The following METTL15 variants were observed in gnomAD, a reference collection of about 807,000 sequenced individuals.
METTL15 encodes the protein 12S rRNA N(4)-cytidine methyltransferase METTL15.
Under a neutral mutation model 38.3 loss-of-function variants are expected in METTL15, and 34 were observed. The observed-to-expected ratio is 0.89, with a 90% confidence interval of 0.68 to 1.18. METTL15 has a LOEUF of 1.18. METTL15 is among the 50% of genes most tolerant of loss of function. METTL15 has a pLI of 0.00. For synonymous variants in METTL15, 162 were observed against 170.9 expected, an observed-to-expected ratio of 0.95 and a Z score of 0.41; for missense variants, 438 against 498.4, an observed-to-expected ratio of 0.88 and a Z score of 1.15.
At chr11:28,224,231 A>C (rs1853377319) in intron 4 of METTL15, among the ~76,000 whole-genome samples, 1 of 151,346 alleles carries the variant, frequency 6.6e-6, no homozygotes, top group Non-Finnish European at 1.5e-5. Context: ...TTTTTTTTGG[A>C]CACTTTCACT....
intron 5 of METTL15, among the ~76,000 whole-genome samples, chr11:28,294,342 C>G (rs1856647060): frequency 6.6e-6 from 1 of 152,152 alleles, no homozygotes; most frequent in Admixed American, 6.6e-5. Context: ...CTTGGCTAAT[C>G]CAGGCCAAAA....
chr11:28,406,613 G>A (rs1307690025), intron 5 of METTL15, among the ~76,000 whole-genome samples: 3 of 152,018 alleles, frequency 2.0e-5, no homozygotes, highest in Non-Finnish European at 4.4e-5. Flanking sequence ...CTAGATATAG[G>A]ATTATGTCAT....
At chr11:28,375,820 C>A (rs895061287) in intron 5 of METTL15, among the ~76,000 whole-genome samples, 1 of 151,544 alleles carries the variant, frequency 6.6e-6, no homozygotes, top group African/African-American at 2.4e-5. Context: ...ATAAATTTCC[C>A]TCTACACACT....
At chr11:28,337,113 A>G (rs1242024529), downstream of METTL15, among the ~76,000 whole-genome samples, 1 of 152,176 alleles carries the variant, frequency 6.6e-6, no homozygotes, top group African/African-American at 2.4e-5. Flanking sequence ...AAATATAGAA[A>G]AAGATATAAA....
At chr11:28,432,187 A>G (rs1334632275) in intron 6 of METTL15, among the ~76,000 whole-genome samples, 1 of 152,230 alleles carries the variant, frequency 6.6e-6, no homozygotes, top group African/African-American at 2.4e-5. Flanking sequence ...CAAAAATGGT[A>G]TAGATAGTTA....
intron 4 of METTL15, among the ~76,000 whole-genome samples, chr11:28,252,090 C>T (rs145232415): frequency 1.1e-3 from 171 of 152,208 alleles, no homozygotes; most frequent in African/African-American, 3.9e-3. Flanking sequence ...TTGGCACCAA[C>T]GATGTGCAAG....
At chr11:28,127,842 G>A (rs546908347) in intron 3 of METTL15, among the ~76,000 whole-genome samples, 17 of 151,874 alleles carry the variant, frequency 1.1e-4, no homozygotes, top group East Asian at 3.9e-4. Flanking sequence ...AAATCACCCC[G>A]ACAGTTAAAA....
intron 6 of METTL15, among the ~76,000 whole-genome samples, chr11:28,297,297 A>G (rs1220444717): frequency 6.6e-6 from 1 of 152,180 alleles, no homozygotes; most frequent in Non-Finnish European, 1.5e-5. Context: ...GATCCATCGC[A>G]GTGGTTGATA....
Position 28,136,245 on chromosome 11 carries a change from G to T in METTL15, c.270+22641G>T, listed in dbSNP as rs546447679. ...GAATTGTAATAATCCCCCTTGTGTC[G>T]AGGGTGGGCCAGGTGGAGATAATTG... On this transcript the variant is annotated intron_variant, in intron 3 of 6. Coordinates refer to ENST00000407364, the MANE Select transcript of METTL15 (RefSeq NM_001113528.2). Among the ~76,000 whole-genome samples, 167 of 152,224 alleles carry T rather than the reference G, an allele frequency of 1.1e-3. 1 individual carries two copies. Among genetic ancestry groups the T allele is most frequent in the Middle Eastern group, 3.4e-3 (1 of 294 alleles).
At chr11:28,319,747 C>G (rs552401452) in intron 6 of METTL15, among the ~76,000 whole-genome samples, 1 of 152,202 alleles carries the variant, frequency 6.6e-6, no homozygotes, top group African/African-American at 2.4e-5. Flanking sequence ...AAAACAGTTT[C>G]TTATCAAAAA....
intron 4 of METTL15, among the ~76,000 whole-genome samples, chr11:28,265,390 A>G (rs1333774340): frequency 6.6e-6 from 1 of 151,968 alleles, no homozygotes; most frequent in Non-Finnish European, 1.5e-5. Context: ...CATAGAAAGG[A>G]TAGAAAGAAC....
intron 6 of METTL15, among the ~76,000 whole-genome samples, chr11:28,440,422 A>C (rs1851024461): frequency 6.6e-6 from 1 of 152,208 alleles, no homozygotes; most frequent in Non-Finnish European, 1.5e-5. Flanking sequence ...TGTCAGGAAA[A>C]AAAGTAAAAT....
chr11:28,349,160 T>C (rs1437379742), intron 3 of METTL15, among the ~76,000 whole-genome samples: 1 of 152,318 alleles, frequency 6.6e-6, no homozygotes, highest in East Asian at 1.9e-4. Context: ...TTTGGCTGGG[T>C]TTATTATTGC....
At chr11:28,406,454 T>A (rs1334238334) in intron 5 of METTL15, among the ~76,000 whole-genome samples, 1 of 152,172 alleles carries the variant, frequency 6.6e-6, no homozygotes, top group Non-Finnish European at 1.5e-5. Flanking sequence ...AAGTTGCTTA[T>A]CAGCTTAAGA....
chr11:28,321,272 A>T (rs1257576566), intron 6 of METTL15, among the ~76,000 whole-genome samples: 1 of 152,182 alleles, frequency 6.6e-6, no homozygotes, highest in East Asian at 1.9e-4. Context: ...TTATGATTTC[A>T]TCCTAGAATG....
intron 3 of METTL15, among the ~76,000 whole-genome samples, chr11:28,149,820 A>C (rs1335609136): frequency 6.6e-6 from 1 of 151,988 alleles, no homozygotes; most frequent in East Asian, 1.9e-4. Flanking sequence ...ACAGTACTTA[A>C]ATTTTATTTA....
chr11:28,301,054 G>C (rs1375083118), intron 6 of METTL15, among the ~76,000 whole-genome samples: 2 of 152,102 alleles, frequency 1.3e-5, no homozygotes, highest in Non-Finnish European at 2.9e-5. Context: ...ACTTTAGAAA[G>C]GATAGATTTC....
chr11:28,271,292 C>A (rs1048712313), intron 4 of METTL15, among the ~76,000 whole-genome samples: 4 of 152,126 alleles, frequency 2.6e-5, no homozygotes, highest in Non-Finnish European at 5.9e-5. Flanking sequence ...TGAATGAATT[C>A]ATTTAAATAC....
chr11:28,443,412 C>T (rs1407098281), intron 6 of METTL15, among the ~76,000 whole-genome samples: 1 of 152,084 alleles, frequency 6.6e-6, no homozygotes, highest in African/African-American at 2.4e-5. Context: ...TATCTGTATG[C>T]TCTTCATAGT....
Sources: gnomAD v4.1 joint callset for allele counts (sites outside exome capture counted in the v4.1 genomes callset) on GRCh38, gnomAD v4.1.1 for gene constraint, MANE v1.5 for transcripts, NCBI Gene and HGNC (gene_info 2026-07-23, HGNC 2026-07-21) for gene names.